The following RIF1 variants were observed in gnomAD, a reference collection of about 807,000 sequenced individuals.
RIF1 encodes telomere-associated protein RIF1.
Under a neutral mutation model 247.1 loss-of-function variants are expected in RIF1, and 45 were observed. The observed-to-expected ratio is 0.18, with a 90% confidence interval of 0.14 to 0.23. The LOEUF (loss-of-function observed/expected upper bound fraction) is 0.23, where lower values mean the gene tolerates loss of function less well. RIF1 is among the 10% of genes least tolerant of loss of function. RIF1 has a pLI of 1.00. For missense variants in RIF1, 2,967 were observed against 2,862.5 expected (o/e 1.04, Z -0.83); for synonymous variants, 1,087 against 978.8 (o/e 1.11, Z -2.06).
the RIF1 span, among the ~76,000 whole-genome samples, chr2:151,525,643 A>G: frequency 6.6e-6 from 1 of 152,198 alleles, no homozygotes; most frequent in African/African-American, 2.4e-5. Flanking sequence ...CCTTTCTAAA[A>G]TTGGGTAGCA....
chr2:151,453,579 CAAAAAA>C (rs59661470), intron 21 of RIF1, among the ~76,000 whole-genome samples: 13 of 72,890 alleles, frequency 1.8e-4, no homozygotes, highest in Admixed American at 1.0e-3. Context: ...GACTCTGTCT[CAAAAAA>C]AAAAAAAAAA....
rs367747101 is a variant in RIF1, at chr2:151,437,128, C to CT, written c.1373-105dup. On this transcript the variant is annotated intron_variant, in intron 12 of 35. Transcript: ENST00000444746. The stretch of plus-strand genomic sequence containing the variant: ...TTACAGTTGTGTATGAAATATGAAT[C>CT]TTTTTTTTATAGAAAACACACCTAC... The CT allele has an allele frequency of 6.1e-4, 742 of 1,213,426 alleles. 2 individuals carry two copies. The African/African-American group carries it at 7.6e-3, about 12-fold the overall frequency. The allele number at this position is 1,213,426 out of a possible 1,614,324, so 75.2% of individuals were successfully genotyped here.
At chr2:151,503,714 A>C (rs750685144) in intron 12 of RIF1, among the ~76,000 whole-genome samples, 7 of 152,228 alleles carry the variant, frequency 4.6e-5, no homozygotes, top group Non-Finnish European at 1.0e-4. Context: ...AAATTTACCA[A>C]TGAGAAAAAT....
At chr2:151,518,500 GT>G in the RIF1 span, 1 of 855,572 alleles carries the variant, frequency 1.2e-6, no homozygotes, top group Non-Finnish European at 1.9e-6. Flanking sequence ...TAGATTAGAC[GT>G]TTACACAGCA....
At position 151,489,854 on chromosome 2, in the gene RIF1, C is replaced by T. The variant is rs1166103243; in HGVS notation, c.*416-5375C>T. On this transcript the variant is annotated intron_variant and NMD_transcript_variant, in intron 9 of 13. Coordinates refer to the RIF1 transcript ENST00000454583. ...TAATATGAAACATGTAATAAAAGAGCATTATATAAAATAGAAGGTTTGGTT... is the reference window on the plus strand; with the variant it reads ...TAATATGAAACATGTAATAAAAGAGTATTATATAAAATAGAAGGTTTGGTT... The T allele has an allele frequency of 6.5e-6, 4 of 619,308 alleles. No homozygotes were observed. The East Asian group carries it at 1.2e-4, about 18-fold the overall frequency. The allele number at this position is 619,308 out of a possible 1,614,324, so 38.4% of individuals were successfully genotyped here. A position where few individuals can be genotyped will look rare whatever the true frequency, so the allele number is the denominator to read the frequency against.
At chr2:151,499,591 T>G (rs2062880718) in intron 11 of RIF1, 2 of 406,314 alleles carry the variant, frequency 4.9e-6, no homozygotes, top group African/African-American at 4.2e-5. Flanking sequence ...TATTTGATAT[T>G]CATCATCTTT....
downstream of RIF1, chr2:151,485,880 G>A: frequency 1.9e-6 from 3 of 1,613,924 alleles, no homozygotes; most frequent in Non-Finnish European, 2.5e-6. Context: ...CATCCTTGAA[G>A]GACACCTCAT....
In RIF1 at chr2:151,428,822, G is replaced by A; in HGVS notation, c.825G>A (p.Leu275=). Residue 275 remains leucine, a synonymous_variant, in exon 9 of 36, where the codon TTG becomes TTA. Transcript: ENST00000444746. The part of the protein sequence containing the change: ...HRSGSFINSL[L]QLEELGFRSG... ...GTGGGAGTTTCATCAATTCTCTCTT[G>A]CAACTAGAAGAACTTGGATTTCGTA... 2 of 1,598,938 alleles carry A rather than the reference G, an allele frequency of 1.3e-6. No homozygotes were observed. The highest frequency in any genetic ancestry group is 3.3e-5 in the Admixed American group (2 of 59,958).
At chr2:151,412,911 C>CT (rs1036522249) in intron 3 of RIF1, among the ~76,000 whole-genome samples, 1 of 152,116 alleles carries the variant, frequency 6.6e-6, no homozygotes, top group African/African-American at 2.4e-5. Context: ...TAAGCAGAAA[C>CT]TTTATTGTGT....
chr2:151,524,340 C>T, the RIF1 span: 1 of 1,613,862 alleles, frequency 6.2e-7, no homozygotes, highest in Non-Finnish European at 8.5e-7. Context: ...GCCTTCTTGG[C>T]CATTTCTATG....
At chr2:151,471,737 T>G (rs1378196272) in intron 34 of RIF1, among the ~76,000 whole-genome samples, 1 of 152,194 alleles carries the variant, frequency 6.6e-6, no homozygotes, top group Non-Finnish European at 1.5e-5. Flanking sequence ...ATATCTCTGT[T>G]TTGGTACCAG....
downstream of RIF1, chr2:151,486,638 G>A (rs564241582): frequency 3.3e-5 from 5 of 152,372 alleles, no homozygotes; most frequent in African/African-American, 1.2e-4. Flanking sequence ...GCAAGATCTG[G>A]TATATCCATA....
the RIF1 span, chr2:151,527,423 C>T: frequency 8.4e-7 from 1 of 1,197,168 alleles, no homozygotes; most frequent in South Asian, 1.4e-5. Flanking sequence ...AATAATTATT[C>T]ATTGTATTTC....
At position 151,435,513 on chromosome 2, in the gene RIF1, A is replaced by G. The variant is rs758505951; in HGVS notation, c.1128A>G (p.Ser376=). ...CAATAAGCATTGATTCTAATGCCTCACCTCAGGGCAATTCGTGTCATGTAG... is the reference window on the plus strand; with the variant it reads ...CAATAAGCATTGATTCTAATGCCTCGCCTCAGGGCAATTCGTGTCATGTAG... The part of the protein sequence containing the change: ...QSTISIDSNA[S]PQGNSCHVAT... Residue 376 remains serine (S), a synonymous_variant, in exon 11 of 36, where the codon TCA becomes TCG. Transcript: ENST00000444746. 6.2e-6 allele frequency: 10 copies of G among 1,613,260 alleles called. No homozygotes were observed. Among genetic ancestry groups the G allele is most frequent in the Non-Finnish European group, 8.5e-6 (10 of 1,179,332 alleles).
chr2:151,492,050 AC>A (rs1559134450), intron 9 of RIF1: 2 of 1,568,152 alleles, frequency 1.3e-6, no homozygotes, highest in Admixed American at 1.7e-5. Context: ...TTGTTCTTCT[AC>A]CCCCTCACTT....
downstream of RIF1, among the ~76,000 whole-genome samples, chr2:151,483,864 C>A (rs2049305970): frequency 6.6e-6 from 1 of 152,138 alleles, no homozygotes; most frequent in African/African-American, 2.4e-5. Flanking sequence ...GTTTGTGCTC[C>A]TTATGAGAAC....
At chr2:151,508,502 C>T (rs971322394), downstream of RIF1, among the ~76,000 whole-genome samples, 2 of 152,148 alleles carry the variant, frequency 1.3e-5, no homozygotes, top group African/African-American at 2.4e-5. Context: ...AACAGGCAGG[C>T]GGAGAGAAGC....
the RIF1 span, chr2:151,525,208 T>C: frequency 6.2e-7 from 1 of 1,614,026 alleles, no homozygotes. Flanking sequence ...TCACCTCTGG[T>C]GGCTCCAGCA....
rs770023115 is a variant in RIF1, at chr2:151,499,316, A to C, written c.*514-29A>C. The C allele has an allele frequency of 3.2e-5, 48 of 1,522,774 alleles. No individual in the cohort carries two copies. The African/African-American group carries it at 6.0e-4, about 19-fold the overall frequency. 94.3% of individuals were successfully genotyped at this position (1,522,774 alleles called of 1,614,324 possible). ...TAAATACCGAACTAAAGTTTTCTTGATTGTGTTTGACTCTCTCCATCTCTG... is the reference window on the plus strand; with the variant it reads ...TAAATACCGAACTAAAGTTTTCTTGCTTGTGTTTGACTCTCTCCATCTCTG... On this transcript the variant is annotated intron_variant and NMD_transcript_variant, in intron 10 of 13. Coordinates refer to the RIF1 transcript ENST00000454583.
Sources: gnomAD v4.1 joint callset for allele counts (sites outside exome capture counted in the v4.1 genomes callset) on GRCh38, gnomAD v4.1.1 for gene constraint, MANE v1.5 for transcripts, NCBI Gene and HGNC (gene_info 2026-07-23, HGNC 2026-07-21) for gene names.